Variants in ANO2 observed in about 807,000 individuals in gnomAD.
The protein encoded by ANO2 is anoctamin 2, also known as anoctamin-2.
ANO2 carries 101 observed loss-of-function variants against 124.2 expected under a neutral mutation model. The observed-to-expected ratio is 0.81, with a 90% CI of 0.69 to 0.96. The LOEUF is 0.96. Among genes scored for constraint, ANO2 ranks in the 40% least tolerant of loss-of-function variants. The pLI, the probability that ANO2 is intolerant of heterozygous loss-of-function variation, is 0.00. For synonymous variants in ANO2, 486 were observed against 482.5 expected, an observed-to-expected ratio of 1.01 and a Z score of -0.09; for missense variants, 1,293 against 1,274.5, an observed-to-expected ratio of 1.01 and a Z score of -0.22.
chr12:5,746,154 G>A (rs545828572), intron 11 of ANO2, among the ~76,000 whole-genome samples: 135 of 152,288 alleles, frequency 8.9e-4, no homozygotes, highest in Non-Finnish European at 1.5e-3. Flanking sequence ...CTAGTCAACT[G>A]AATCCTAGTT....
In ANO2 at chr12:5,633,673, C is replaced by T. The variant is rs192434998; in HGVS notation, c.1816+1479G>A. The stretch of plus-strand genomic sequence containing the variant: ...TGGATGTGCCCTGGACGTAGAGCCC[C>T]GGCACCGGGCTCCCCTGGCATCCTG... On this transcript the variant is annotated intron_variant, in intron 16 of 24. Coordinates refer to ENST00000682330, the MANE Select transcript of ANO2 (RefSeq NM_001364791.2). 1.2e-3 allele frequency among the ~76,000 whole-genome samples: 177 copies of T among 152,294 alleles called. 3 individuals carry two copies. Among genetic ancestry groups the T allele is most frequent in the South Asian group, 4.4e-3 (21 of 4,820 alleles).
At chr12:5,578,574 T>C in intron 20 of ANO2, 56 bp from the exon 21 acceptor site, 2 of 1,557,646 alleles carry the variant, frequency 1.3e-6, no homozygotes, top group Non-Finnish European at 1.7e-6. Flanking sequence ...CTCAGGTCCC[T>C]TCTGGCTTGC....
intron 14 of ANO2, among the ~76,000 whole-genome samples, chr12:5,660,642 C>A (rs1472320967): frequency 2.0e-5 from 3 of 151,968 alleles, no homozygotes; most frequent in African/African-American, 7.3e-5. Flanking sequence ...TTATTCATCT[C>A]CTAACTGGCT....
intron 1 of ANO2, among the ~76,000 whole-genome samples, chr12:5,926,423 C>A (rs1942081051): frequency 6.6e-6 from 1 of 152,158 alleles, no homozygotes; most frequent in African/African-American, 2.4e-5. Flanking sequence ...ATGGGGCTCC[C>A]ATGGCTCTCG....
chr12:5,723,634 C>A (rs1162739101), intron 14 of ANO2, among the ~76,000 whole-genome samples: 2 of 138,772 alleles, frequency 1.4e-5, no homozygotes, highest in African/African-American at 5.5e-5. Flanking sequence ...GGGGCGGGGG[C>A]GCGGGTAGAG....
chr12:5,568,502 C>T (rs965032729), intron 23 of ANO2, among the ~76,000 whole-genome samples: 3 of 152,068 alleles, frequency 2.0e-5, no homozygotes, highest in African/African-American at 7.2e-5. Context: ...TCTCCTAAGC[C>T]CCTACCACCA....
intron 10 of ANO2, among the ~76,000 whole-genome samples, chr12:5,785,396 C>T (rs1952512693): frequency 6.6e-6 from 1 of 152,070 alleles, no homozygotes; most frequent in South Asian, 2.1e-4. Context: ...GTTCCCAGCT[C>T]ATTCACCACA....
At chr12:5,941,402 A>T (rs1020469545) in intron 1 of ANO2, among the ~76,000 whole-genome samples, 2 of 152,172 alleles carry the variant, frequency 1.3e-5, no homozygotes, top group Non-Finnish European at 2.9e-5. Flanking sequence ...TGGATCCAAC[A>T]AAAGTAATCA....
intron 3 of ANO2, among the ~76,000 whole-genome samples, chr12:5,870,618 T>C (rs1039699393): frequency 2.0e-5 from 3 of 150,768 alleles, no homozygotes; most frequent in Admixed American, 6.6e-5. Flanking sequence ...AGAAATGAGC[T>C]AGAACACAGA....
At chr12:5,796,676 T>G (rs1952871828) in intron 10 of ANO2, among the ~76,000 whole-genome samples, 1 of 152,174 alleles carries the variant, frequency 6.6e-6, no homozygotes, top group Non-Finnish European at 1.5e-5. Context: ...TGCAGCCTGC[T>G]GGGCACGAAC....
chr12:5,768,108 A>C (rs1951954028), intron 10 of ANO2, among the ~76,000 whole-genome samples: 1 of 152,154 alleles, frequency 6.6e-6, no homozygotes, highest in African/African-American at 2.4e-5. Context: ...GCTTTTCTAA[A>C]GGACCTGTAA....
At chr12:5,715,807 C>A (rs1337251728) in intron 14 of ANO2, among the ~76,000 whole-genome samples, 1 of 152,196 alleles carries the variant, frequency 6.6e-6, no homozygotes, top group African/African-American at 2.4e-5. Flanking sequence ...AGATCTTGAG[C>A]TTCTGGTAAT....
chr12:5,609,511 A>G (rs1332732044), intron 19 of ANO2, among the ~76,000 whole-genome samples: 1 of 152,150 alleles, frequency 6.6e-6, no homozygotes, highest in Non-Finnish European at 1.5e-5. Context: ...TTCCAGGTAA[A>G]TTAAACTGTC....
At chr12:5,767,381 G>A (rs1951929531) in intron 10 of ANO2, among the ~76,000 whole-genome samples, 1 of 152,182 alleles carries the variant, frequency 6.6e-6, no homozygotes, top group Admixed American at 6.5e-5. Context: ...GTGAACCTAA[G>A]AGACAGGGCC....
rs1452427560 is a variant in ANO2 at position 5,830,493 on chromosome 12, G to T, written c.786-4C>A. The stretch of plus-strand genomic sequence containing the variant: ...GTCCTTTTCCTGGATGTTGTACCTG[G>T]AGACACCAAGAGAGCAGATGGCAAA... On this transcript the variant is annotated splice_region_variant and splice_polypyrimidine_tract_variant and intron_variant, in intron 5 of 24. Transcript: ENST00000682330. 1 of 1,610,072 alleles carries T rather than the reference G, an allele frequency of 6.2e-7. No individual in the cohort carries two copies. The highest frequency in any genetic ancestry group is 1.1e-5 in the South Asian group (1 of 89,724).
chr12:5,615,214 T>C lies in ANO2; in HGVS notation c.1900A>G (p.Ile634Val). 1 of 1,613,592 alleles carries C rather than the reference T, an allele frequency of 6.2e-7. No individual in the cohort carries two copies. The highest frequency in any genetic ancestry group is 1.1e-5 in the South Asian group (1 of 90,966). ...CCTTTGAAAAAGGCCACATAGAAGA[T>C]GGGGGAGTAGGCATTGACAAACTTG... ...LLKFVNAYSP[I>V]FYVAFFKGRF... The change falls in exon 17 of 25, where the codon ATC becomes GTC. Residue 634 changes from isoleucine (I) to valine (V), a missense_variant. Transcript: ENST00000682330.
intron 6 of ANO2, among the ~76,000 whole-genome samples, chr12:5,828,395 A>T (rs143671697): frequency 6.3e-4 from 96 of 152,312 alleles, no homozygotes; most frequent in African/African-American, 2.2e-3. Flanking sequence ...TAATGGGGCC[A>T]TCTCGCCCAC....
At chr12:5,922,027 T>G in intron 2 of ANO2, among the ~76,000 whole-genome samples, 1 of 140,696 alleles carries the variant, frequency 7.1e-6, no homozygotes, top group Non-Finnish European at 1.6e-5. Flanking sequence ...CCCACGGGAA[T>G]TCACCAGGCA....
chr12:5,727,552 C>T, intron 14 of ANO2, among the ~76,000 whole-genome samples: 1 of 147,972 alleles, frequency 6.8e-6, no homozygotes, highest in East Asian at 2.0e-4. Flanking sequence ...TAACATGAGA[C>T]TTACAGTGAC....
Sources: allele counts gnomAD v4.1 joint callset (sites outside exome capture counted in the v4.1 genomes callset), GRCh38; gene constraint gnomAD v4.1.1; transcripts MANE v1.5; gene names NCBI Gene and HGNC (gene_info 2026-07-23, HGNC 2026-07-21).